ZFHX3: variants seen among roughly 807,000 people sequenced by gnomAD.
The protein encoded by ZFHX3 is zinc finger homeobox 3.
In ZFHX3, 42 loss-of-function variants were observed where a neutral mutation model predicts 279.1. That is an observed-to-expected ratio of 0.15 (90% CI 0.12 to 0.19). The LOEUF (loss-of-function observed/expected upper bound fraction) is 0.19. ZFHX3 is among the 10% of genes least tolerant of loss of function. The pLI, the probability that ZFHX3 is intolerant of heterozygous loss-of-function variation, is 1.00. For missense variants in ZFHX3, 4,981 were observed against 4,754.0 expected (o/e 1.05, Z -1.40); for synonymous variants, 2,293 against 1,957.8 (o/e 1.17, Z -4.52).
At position 73,448,217 on chromosome 16, in the gene ZFHX3, T is replaced by C. The variant is rs372823059; in HGVS notation, c.-1291+7786A>G. Among the ~76,000 whole-genome samples the C allele has an allele frequency of 3.3e-5, 5 of 151,968 alleles. No individual in the cohort carries two copies. In the East Asian group the frequency reaches 5.8e-4, roughly 18 times the overall value. On this transcript the variant is annotated intron_variant, in intron 3 of 17. Coordinates refer to the ZFHX3 transcript ENST00000641206. ...GATTATACATTAAGGTTGAGGATAA[T>C]AACTTTAAAAAGGGAATGAGGTATA...
chr16:73,213,276 G>A (rs1437794580), intron 5 of ZFHX3, among the ~76,000 whole-genome samples: 1 of 152,164 alleles, frequency 6.6e-6, no homozygotes, highest in Non-Finnish European at 1.5e-5. Context: ...ACTTGAGAAA[G>A]GTTGGGAAAC....
At chr16:72,949,760 G>GAA (rs71391471) in intron 3 of ZFHX3, among the ~76,000 whole-genome samples, 31 of 146,718 alleles carry the variant, frequency 2.1e-4, no homozygotes, top group Admixed American at 3.4e-4. Flanking sequence ...GAGCGGGGAA[G>GAA]AAAAAAAAAA....
intron 2 of ZFHX3, among the ~76,000 whole-genome samples, chr16:73,675,611 A>G (rs2052946544): frequency 1.3e-5 from 2 of 152,192 alleles, no homozygotes; most frequent in Admixed American, 1.3e-4. Context: ...GGTTCCTGAA[A>G]AGAAGAATAG....
intron 3 of ZFHX3, among the ~76,000 whole-genome samples, chr16:73,371,827 T>C (rs1390274930): frequency 1.3e-5 from 2 of 152,188 alleles, no homozygotes; most frequent in Non-Finnish European, 2.9e-5. Flanking sequence ...TAGTTCAAAG[T>C]CTCTCTTGCT....
intron 5 of ZFHX3, among the ~76,000 whole-genome samples, chr16:73,162,664 T>C (rs963284881): frequency 1.1e-4 from 17 of 152,314 alleles, no homozygotes; most frequent in Admixed American, 5.2e-4. Flanking sequence ...GGTTTCACCA[T>C]GTTGCCCAGG....
At chr16:72,998,246 CA>C (rs370560952) in intron 1 of ZFHX3, among the ~76,000 whole-genome samples, 9 of 152,064 alleles carry the variant, frequency 5.9e-5, no homozygotes, top group African/African-American at 2.2e-4. Context: ...ACTAAAAATA[CA>C]AAAATTAACC....
chr16:73,626,699 A>C (rs898458588), intron 2 of ZFHX3, among the ~76,000 whole-genome samples: 1 of 152,028 alleles, frequency 6.6e-6, no homozygotes, highest in Non-Finnish European at 1.5e-5. Context: ...TCTACCTTTA[A>C]TGTCCAACTT....
At chr16:73,710,812 G>A (rs568509625) in intron 1 of ZFHX3, among the ~76,000 whole-genome samples, 5 of 152,186 alleles carry the variant, frequency 3.3e-5, no homozygotes, top group South Asian at 2.1e-4. Context: ...CCCAGGAGTC[G>A]CCTTGTACAA....
intron 3 of ZFHX3, among the ~76,000 whole-genome samples, chr16:73,346,540 C>T (rs1486150715): frequency 5.9e-5 from 9 of 152,088 alleles, no homozygotes; most frequent in Admixed American, 2.6e-4. Flanking sequence ...GGTGCGATCT[C>T]GGCTCACTGC....
chr16:73,046,841 T>C (rs28716110), intron 1 of ZFHX3, among the ~76,000 whole-genome samples: 13,355 of 148,156 alleles, frequency 0.09, 845 homozygotes, highest in African/African-American at 0.18. Context: ...CTGTTCTCTC[T>C]GGGGTTTTCT....
At chr16:73,864,335 G>A (rs1425068026) in intron 1 of ZFHX3, among the ~76,000 whole-genome samples, 2 of 152,112 alleles carry the variant, frequency 1.3e-5, no homozygotes, top group Admixed American at 6.6e-5. Context: ...CATTAACTAC[G>A]CTGTGACAAG....
At chr16:72,884,508 C>T (rs1279104128) in intron 4 of ZFHX3, among the ~76,000 whole-genome samples, 2 of 152,070 alleles carry the variant, frequency 1.3e-5, no homozygotes, top group Non-Finnish European at 2.9e-5. Context: ...CATAAAAAGC[C>T]TTATATATAA....
chr16:73,880,754 T>C (rs750956277), intron 1 of ZFHX3, among the ~76,000 whole-genome samples: 1 of 152,226 alleles, frequency 6.6e-6, no homozygotes. Context: ...GTATTAGATG[T>C]GCCTGGTCTA....
At chr16:72,825,954 T>C (rs1010015531) in intron 5 of ZFHX3, among the ~76,000 whole-genome samples, 9 of 152,332 alleles carry the variant, frequency 5.9e-5, no homozygotes, top group South Asian at 2.1e-4. Flanking sequence ...CACTGATCTA[T>C]AGTAATATCG....
chr16:73,569,983 G>A (rs1004893427), intron 2 of ZFHX3, among the ~76,000 whole-genome samples: 2 of 152,194 alleles, frequency 1.3e-5, no homozygotes, highest in East Asian at 1.9e-4. Flanking sequence ...ATAGGCTGCC[G>A]AGGCAGTTTC....
At chr16:73,798,557 A>G (rs1482819324) in intron 1 of ZFHX3, among the ~76,000 whole-genome samples, 1 of 149,202 alleles carries the variant, frequency 6.7e-6, no homozygotes, top group East Asian at 2.0e-4. Context: ...CTTCAGTGCA[A>G]TCTACACACA....
At chr16:73,496,184 C>T (rs2019138527) in intron 2 of ZFHX3, among the ~76,000 whole-genome samples, 1 of 152,206 alleles carries the variant, frequency 6.6e-6, no homozygotes, top group Non-Finnish European at 1.5e-5. Context: ...TTGGAAGCCC[C>T]TAGGCCCTGA....
In ZFHX3 at chr16:72,788,364, T is replaced by C. The variant is rs2035546027; in HGVS notation, c.9912A>G (p.Thr3304=). The change falls in exon 10 of 10, where the codon ACA becomes ACG. Residue 3304 remains threonine, a synonymous_variant. Transcript: ENST00000268489. ...GTACAAAGTAAGGAAGGAACTGGCT[T>C]GTGAGCAATGCTGTGGGGTCCGAAG... is the stretch of plus-strand genomic sequence containing the variant. ...ALTSDPTALL[T]SQFLPYFVPG... 2 of 1,613,968 alleles carry C rather than the reference T, an allele frequency of 1.2e-6. No individual in the cohort carries two copies. Among genetic ancestry groups the C allele is most frequent in the Admixed American group, 1.7e-5 (1 of 60,010 alleles).
chr16:73,053,948 T>C (rs1428602506), intron 1 of ZFHX3, among the ~76,000 whole-genome samples: 1 of 150,390 alleles, frequency 6.6e-6, no homozygotes, highest in African/African-American at 2.5e-5. Flanking sequence ...TAAAAAGCCT[T>C]CCTAAAATGT....
Sources: allele counts gnomAD v4.1 joint callset (sites outside exome capture counted in the v4.1 genomes callset), GRCh38; gene constraint gnomAD v4.1.1; transcripts MANE v1.5; gene names NCBI Gene and HGNC (gene_info 2026-07-23, HGNC 2026-07-21).